The following UBE2H variants were observed in gnomAD, a reference collection of about 807,000 sequenced individuals.
UBE2H encodes the protein ubiquitin-conjugating enzyme E2 H.
UBE2H carries 3 observed loss-of-function variants against 29.0 expected under a neutral mutation model. The ratio of observed to expected loss-of-function variants is 0.10; its 90% CI spans 0.05 to 0.27. UBE2H has a LOEUF of 0.27. Ranked by LOEUF, UBE2H falls within the 10% of genes least tolerant of loss-of-function variation. The pLI is 1.00. For synonymous variants in UBE2H, 69 were observed against 82.9 expected, an observed-to-expected ratio of 0.83 and a Z score of 0.91; for missense variants, 68 against 228.2, an observed-to-expected ratio of 0.30 and a Z score of 4.52.
intron 1 of UBE2H, among the ~76,000 whole-genome samples, chr7:129,921,929 T>C (rs1807171839): frequency 6.6e-6 from 1 of 152,206 alleles, no homozygotes; most frequent in Non-Finnish European, 1.5e-5. Context: ...GAAGTTACTA[T>C]TAATATCCTC....
chr7:129,916,886 A>C (rs1807054847), intron 1 of UBE2H, among the ~76,000 whole-genome samples: 1 of 152,080 alleles, frequency 6.6e-6, no homozygotes, highest in Non-Finnish European at 1.5e-5. Context: ...AAATACAAAA[A>C]ATTAGCCAGG....
intron 5 of UBE2H, among the ~76,000 whole-genome samples, chr7:129,855,612 A>ACGTGTG (rs141481700): frequency 1.3e-5 from 2 of 152,188 alleles, no homozygotes; most frequent in African/African-American, 2.4e-5. Context: ...TGTTACAGTC[A>ACGTGTG]CGTGTGCGTG....
intron 5 of UBE2H, among the ~76,000 whole-genome samples, chr7:129,851,718 C>T (rs1213238997): frequency 2.0e-5 from 3 of 152,182 alleles, no homozygotes; most frequent in Admixed American, 6.5e-5. Flanking sequence ...TGGACCACCC[C>T]ATGGTTTTAA....
chr7:129,933,059 A>G (rs1807442501), intron 1 of UBE2H, among the ~76,000 whole-genome samples: 1 of 152,202 alleles, frequency 6.6e-6, no homozygotes, highest in African/African-American at 2.4e-5. Context: ...GTGTATATAC[A>G]TTTAAATATA....
intron 1 of UBE2H, among the ~76,000 whole-genome samples, chr7:129,936,920 G>C (rs1006113330): frequency 4.6e-5 from 7 of 152,006 alleles, no homozygotes; most frequent in Admixed American, 2.0e-4. Flanking sequence ...AGAGGTTGCA[G>C]TGAGCCGAGA....
intron 1 of UBE2H, among the ~76,000 whole-genome samples, chr7:129,932,762 A>C (rs999529168): frequency 5.3e-4 from 73 of 136,870 alleles, no homozygotes; most frequent in African/African-American, 1.8e-3. Flanking sequence ...CGACAGAGCG[A>C]GACTCCGTCT....
chr7:129,882,911 C>T lies in UBE2H; in HGVS notation c.54-1940G>A, dbSNP rs562770542. On this transcript the variant is annotated intron_variant, in intron 1 of 6. Transcript: ENST00000355621. ...AAGAAAACAGACATGGAAAACACTT[C>T]CATAGTGTAAAAGACAAATGATAAA... is the stretch of plus-strand genomic sequence containing the variant. 1.7e-3 allele frequency among the ~76,000 whole-genome samples: 258 copies of T among 152,206 alleles called. 1 individual carries two copies. Among genetic ancestry groups the T allele is most frequent in the African/African-American group, 5.9e-3 (246 of 41,528 alleles).
At chr7:129,864,556 C>CTTTTTT (rs367930226) in intron 3 of UBE2H, among the ~76,000 whole-genome samples, 69 of 130,944 alleles carry the variant, frequency 5.3e-4, no homozygotes, top group Admixed American at 6.7e-4. Context: ...TCTTTTCTTT[C>CTTTTTT]TTTTTTTTTT....
At chr7:129,849,647 C>T (rs1247150551) in intron 5 of UBE2H, among the ~76,000 whole-genome samples, 1 of 152,144 alleles carries the variant, frequency 6.6e-6, no homozygotes, top group Admixed American at 6.5e-5. Flanking sequence ...GCCCATTTCT[C>T]CACCTGTTTT....
At chr7:129,927,112 G>C (rs1807285518) in intron 1 of UBE2H, among the ~76,000 whole-genome samples, 1 of 152,070 alleles carries the variant, frequency 6.6e-6, no homozygotes, top group Non-Finnish European at 1.5e-5. Context: ...AGGATGCCTA[G>C]GCTTTTTATT....
intron 1 of UBE2H, among the ~76,000 whole-genome samples, chr7:129,932,061 A>T (rs1382076724): frequency 6.6e-6 from 1 of 150,898 alleles, no homozygotes; most frequent in Admixed American, 6.6e-5. Context: ...TGACCACGTG[A>T]TCCGCCTGCC....
intron 3 of UBE2H, among the ~76,000 whole-genome samples, chr7:129,878,106 AAT>A (rs1418289265): frequency 2.1e-4 from 32 of 152,206 alleles, no homozygotes; most frequent in Admixed American, 2.0e-4. Context: ...TTAGAAGATG[AAT>A]AAACTGGGGA....
Position 129,896,480 on chromosome 7 carries a change from C to T in UBE2H, c.54-15509G>A, listed in dbSNP as rs141090216. Among the ~76,000 whole-genome samples the T allele has an allele frequency of 6.8e-3, 1,040 of 152,234 alleles. 8 individuals carry two copies. The highest frequency in any genetic ancestry group is 8.5e-3 in the Non-Finnish European group (576 of 68,020). On this transcript the variant is annotated intron_variant, in intron 1 of 6. Coordinates refer to ENST00000355621, the MANE Select transcript of UBE2H (RefSeq NM_003344.4). ...AGTGGCGAGATCCCGGCTCAGCTCA[C>T]GGCAGCCTCGACCCTCCCAGGTTCA...
intron 3 of UBE2H, among the ~76,000 whole-genome samples, chr7:129,875,182 A>C (rs1806122189): frequency 6.6e-6 from 1 of 152,238 alleles, no homozygotes; most frequent in South Asian, 2.1e-4. Flanking sequence ...GAAATTACAG[A>C]AAAGTATGTT....
intron 3 of UBE2H, among the ~76,000 whole-genome samples, chr7:129,864,153 T>C (rs1195739153): frequency 6.6e-6 from 1 of 152,218 alleles, no homozygotes; most frequent in African/African-American, 2.4e-5. Flanking sequence ...GCATATCTCC[T>C]TGACATTTGT....
intron 1 of UBE2H, among the ~76,000 whole-genome samples, chr7:129,922,278 G>A (rs948755056): frequency 6.6e-6 from 1 of 150,728 alleles, no homozygotes; most frequent in African/African-American, 2.4e-5. Flanking sequence ...ATGAGCCACC[G>A]TGCCTGGCCT....
intron 1 of UBE2H, among the ~76,000 whole-genome samples, chr7:129,897,761 T>A (rs1298917769): frequency 6.6e-6 from 1 of 152,184 alleles, no homozygotes; most frequent in Non-Finnish European, 1.5e-5. Flanking sequence ...CATTATCTGT[T>A]GGAAGTTTGA....
At position 129,832,495 on chromosome 7, in the gene UBE2H, TAC is replaced by T. The variant is rs1347649217; in HGVS notation, c.*2440_*2441del. 2 of 12,948 alleles carry T rather than the reference TAC, an allele frequency of 1.5e-4. No individual in the cohort carries two copies. Among genetic ancestry groups the T allele is most frequent in the African/African-American group, 2.4e-4 (1 of 4,160 alleles). The allele number at this position is 12,948 out of a possible 1,614,324, so 0.8% of individuals were successfully genotyped here. On this transcript the variant is annotated 3_prime_UTR_variant, in exon 7 of 7. Coordinates refer to ENST00000355621, the MANE Select transcript of UBE2H (RefSeq NM_003344.4). Reference sequence around the variant, plus strand: ...TCACACTCTCACACATGTGCACACATACACACACTCTCTCTCTCTGCAGCCAC... The same window carrying T: ...TCACACTCTCACACATGTGCACACATACACACTCTCTCTCTCTGCAGCCAC...
chr7:129,903,237 A>G (rs1806752479), intron 1 of UBE2H, among the ~76,000 whole-genome samples: 1 of 152,208 alleles, frequency 6.6e-6, no homozygotes, highest in Admixed American at 6.5e-5. Context: ...CCTTGAACTG[A>G]TTTTCAGATA....
Sources: gnomAD v4.1 joint callset for allele counts (sites outside exome capture counted in the v4.1 genomes callset) on GRCh38, gnomAD v4.1.1 for gene constraint, MANE v1.5 for transcripts, NCBI Gene and HGNC (gene_info 2026-07-23, HGNC 2026-07-21) for gene names.